PTK2: variants seen among roughly 807,000 people sequenced by gnomAD.
PTK2 encodes protein tyrosine kinase 2.
Under a neutral mutation model 150.1 loss-of-function variants are expected in PTK2, and 45 were observed. That is an observed-to-expected ratio of 0.30 (90% CI 0.24 to 0.38). The LOEUF (loss-of-function observed/expected upper bound fraction) is 0.38. Ranked by LOEUF, PTK2 falls within the 10% of genes least tolerant of loss-of-function variation. The pLI is 1.00. For synonymous variants in PTK2, 432 were observed against 449.2 expected (o/e 0.96, Z 0.48); for missense variants, 919 against 1,307.3 (o/e 0.70, Z 4.58).
chr8:140,722,044 T>C (rs1405592208), intron 22 of PTK2, among the ~76,000 whole-genome samples: 2 of 152,228 alleles, frequency 1.3e-5, no homozygotes, highest in African/African-American at 4.8e-5. Flanking sequence ...AATTAATAAA[T>C]GACAGGTAAA....
At chr8:140,856,695 A>C (rs569128391) in intron 5 of PTK2, among the ~76,000 whole-genome samples, 1 of 152,296 alleles carries the variant, frequency 6.6e-6, no homozygotes, top group South Asian at 2.1e-4. Context: ...TACATTCCAG[A>C]GGCATTCAGA....
chr8:140,686,705 TAAAAC>T lies in PTK2; in HGVS notation c.2500-16_2500-12del, dbSNP rs773008171. ...TCTCACATCAGGTTTCTGAAGAAAT[TAAAAC>T]AAAATCAAAACAATTTCATTTTTGA... On this transcript the variant is annotated splice_polypyrimidine_tract_variant and intron_variant, in intron 26 of 31. Coordinates refer to ENST00000522684, the Ensembl canonical transcript of PTK2. 12 of 1,607,982 alleles carry T rather than the reference TAAAAC, an allele frequency of 7.5e-6. No homozygotes were observed. The highest frequency in any genetic ancestry group is 1.1e-5 in the South Asian group (1 of 90,702).
chr8:140,907,376 C>T (rs1412123726), intron 2 of PTK2, among the ~76,000 whole-genome samples: 3 of 152,176 alleles, frequency 2.0e-5, no homozygotes, highest in Non-Finnish European at 4.4e-5. Context: ...ATCTGCAATG[C>T]TCCAACAAGT....
chr8:140,962,247 G>C (rs1158784963), intron 1 of PTK2, among the ~76,000 whole-genome samples: 1 of 144,242 alleles, frequency 6.9e-6, no homozygotes, highest in Non-Finnish European at 1.5e-5. Flanking sequence ...AAGGAAGAAA[G>C]GAAGGGAGGA....
chr8:140,827,548 GGT>G (rs2100112554), intron 8 of PTK2, among the ~76,000 whole-genome samples: 3 of 152,032 alleles, frequency 2.0e-5, no homozygotes. Flanking sequence ...TTTTTAGGGG[GGT>G]GGGGATGGAG....
At chr8:140,843,724 T>C (rs1050696205) in intron 7 of PTK2, among the ~76,000 whole-genome samples, 5 of 151,890 alleles carry the variant, frequency 3.3e-5, no homozygotes, top group Non-Finnish European at 7.4e-5. Context: ...TATTTTACAA[T>C]AGTTTTAGAT....
At chr8:140,949,796 G>C (rs887769136) in intron 1 of PTK2, among the ~76,000 whole-genome samples, 7 of 152,162 alleles carry the variant, frequency 4.6e-5, no homozygotes, top group Non-Finnish European at 8.8e-5. Flanking sequence ...AAAGGGGCAG[G>C]TCCCCCATGA....
rs550106302 is a variant in PTK2 at position 140,865,627 on chromosome 8, A to C, written c.363-1228T>G. 4.6e-5 allele frequency among the ~76,000 whole-genome samples: 7 copies of C among 152,340 alleles called. No homozygotes were observed. The East Asian group carries it at 1.2e-3, about 25-fold the overall frequency. On this transcript the variant is annotated intron_variant, in intron 4 of 31. Transcript: ENST00000522684. ...TAAATGTCCATCTTATTAAAATACAAAATTGCCAAACAATTCGGTTTCATT... is the reference window on the plus strand; with the variant it reads ...TAAATGTCCATCTTATTAAAATACACAATTGCCAAACAATTCGGTTTCATT...
chr8:140,990,288 G>A (rs961190746), intron 1 of PTK2, among the ~76,000 whole-genome samples: 10 of 151,200 alleles, frequency 6.6e-5, no homozygotes, highest in South Asian at 2.1e-4. Flanking sequence ...AGGTTGGAGT[G>A]TAGTGGTGTG....
At chr8:140,880,891 T>A (rs1346698707) in intron 3 of PTK2, among the ~76,000 whole-genome samples, 1 of 152,174 alleles carries the variant, frequency 6.6e-6, no homozygotes, top group Non-Finnish European at 1.5e-5. Context: ...CCCAGGGCAC[T>A]GAGTGAATGA....
chr8:140,662,888 A>C (rs1027958446), intron 31 of PTK2: 13 of 409,702 alleles, frequency 3.2e-5, no homozygotes, highest in Non-Finnish European at 4.3e-5. Context: ...CACTGAGCCT[A>C]TGTTTGTCAA....
intron 14 of PTK2, 101 bp downstream of exon 14, chr8:140,789,373 T>C (rs1356059147): frequency 1.8e-6 from 2 of 1,126,310 alleles, no homozygotes; most frequent in Non-Finnish European, 2.4e-6. Context: ...CTTATTTTCA[T>C]AAGCTATTCT....
intron 5 of PTK2, among the ~76,000 whole-genome samples, chr8:140,863,549 C>G (rs1475468071): frequency 1.3e-5 from 2 of 152,184 alleles, no homozygotes; most frequent in East Asian, 1.9e-4. Flanking sequence ...CCTCCGTGTT[C>G]TTGTCTAGAA....
intron 4 of PTK2, among the ~76,000 whole-genome samples, chr8:140,866,763 C>T (rs1468199057): frequency 6.6e-6 from 1 of 152,106 alleles, no homozygotes; most frequent in Non-Finnish European, 1.5e-5. Flanking sequence ...GTGCTAACTC[C>T]CAAAAAGTTT....
At position 140,702,722 on chromosome 8, in the gene PTK2, G is replaced by T; in HGVS notation, c.2230-15C>A. 6.2e-7 allele frequency: 1 copy of T among 1,612,452 alleles called. No individual in the cohort carries two copies. Among genetic ancestry groups the T allele is most frequent in the South Asian group, 1.1e-5 (1 of 90,936 alleles). On this transcript the variant is annotated splice_polypyrimidine_tract_variant and intron_variant, in intron 24 of 31. Transcript: ENST00000522684. ...TAGCCAGAAACCTGTGAATGAGTAAGGAGGCAAGGTAATGTTCAACTATAA... is the reference window on the plus strand; with the variant it reads ...TAGCCAGAAACCTGTGAATGAGTAATGAGGCAAGGTAATGTTCAACTATAA...
At chr8:140,924,881 T>C (rs1341464810) in intron 2 of PTK2, among the ~76,000 whole-genome samples, 2 of 152,198 alleles carry the variant, frequency 1.3e-5, no homozygotes, top group African/African-American at 2.4e-5. Context: ...TGTGTGAGAT[T>C]AGATAAAATC....
intron 6 of PTK2, 58 bp from the exon 7 acceptor site, chr8:140,846,380 A>G (rs1053571258): frequency 1.9e-4 from 291 of 1,546,968 alleles, no homozygotes; most frequent in Non-Finnish European, 2.5e-4. Flanking sequence ...TGTGTTGTTA[A>G]GTGATAAAAA....
chr8:140,889,206 T>A (rs552809244), intron 3 of PTK2, among the ~76,000 whole-genome samples: 14 of 152,288 alleles, frequency 9.2e-5, no homozygotes, highest in African/African-American at 3.4e-4. Context: ...AAAATTTATA[T>A]ACAAGACTTT....
At chr8:140,814,561 G>C (rs2100103530) in intron 10 of PTK2, among the ~76,000 whole-genome samples, 3 of 151,942 alleles carry the variant, frequency 2.0e-5, no homozygotes, top group South Asian at 2.1e-4. Context: ...AAAAACCACA[G>C]GATCATCTTG....
Sources: gnomAD v4.1 joint callset for allele counts (sites outside exome capture counted in the v4.1 genomes callset) on GRCh38, gnomAD v4.1.1 for gene constraint, MANE v1.5 for transcripts, NCBI Gene and HGNC (gene_info 2026-07-23, HGNC 2026-07-21) for gene names.